APOBEC3C: variants seen among roughly 807,000 people sequenced by gnomAD.
APOBEC3C encodes apolipoprotein B mRNA editing enzyme catalytic subunit 3C.
APOBEC3C carries 14 observed loss-of-function variants against 20.6 expected under a neutral mutation model. That is an observed-to-expected ratio of 0.68 (90% CI 0.45 to 1.06). The LOEUF is 1.06. Ranked by LOEUF, APOBEC3C falls within the 50% of genes least tolerant of loss-of-function variation. The pLI, the probability that APOBEC3C is intolerant of heterozygous loss-of-function variation, is 0.00. For missense variants in APOBEC3C, 244 were observed against 241.9 expected, an observed-to-expected ratio of 1.01 and a Z score of -0.06; for synonymous variants, 98 against 88.8, an observed-to-expected ratio of 1.10 and a Z score of -0.58.
At position 39,018,350 on chromosome 22, in the gene APOBEC3C, G is replaced by C. The variant is rs766276068; in HGVS notation, c.536G>C (p.Arg179Pro). 1 of 1,614,038 alleles carries C rather than the reference G, an allele frequency of 6.2e-7. No individual in the cohort carries two copies. Among genetic ancestry groups the C allele is most frequent in the Non-Finnish European group, 8.5e-7 (1 of 1,179,972 alleles). Residue 179 changes from arginine to proline, a missense_variant, in exon 4 of 4, where the codon CGA (arginine) becomes CCA (proline). Physicochemically the swap from Arg to Pro is moderately radical, Grantham distance 103 (BLOSUM62 -2). Transcript: ENST00000361441. ...TGGAAGGGATTAAAAACCAACTTTCGACTTCTGAAAAGAAGGCTACGGGAG... is the reference window on the plus strand; with the variant it reads ...TGGAAGGGATTAAAAACCAACTTTCCACTTCTGAAAAGAAGGCTACGGGAG... ...KPWKGLKTNF[R>P]LLKRRLRESL...
Position 39,018,591 on chromosome 22 carries a change from C to T in APOBEC3C, c.*204C>T, listed in dbSNP as rs1924892706. On this transcript the variant is annotated 3_prime_UTR_variant, in exon 4 of 4. Coordinates refer to ENST00000361441, the MANE Select transcript of APOBEC3C (RefSeq NM_014508.3). Reference sequence around the variant, plus strand: ...TCCTGCAGAGGCTCCTTTCTGCCTCCATGGCTATCCATCCACCCCCACAGA... The same window carrying T: ...TCCTGCAGAGGCTCCTTTCTGCCTCTATGGCTATCCATCCACCCCCACAGA... 1 of 536,654 alleles carries T rather than the reference C, an allele frequency of 1.9e-6. No homozygotes were observed. Among genetic ancestry groups the T allele is most frequent in the Non-Finnish European group, 3.2e-6 (1 of 314,170 alleles). The allele number at this position is 536,654 out of a possible 1,614,324, so 33.2% of individuals were successfully genotyped here. A position where few individuals can be genotyped will look rare whatever the true frequency, so the allele number is the denominator to read the frequency against.
rs553214127 is a variant in APOBEC3C at position 39,015,833 on chromosome 22, C to T, written c.174+82C>T. ...AAAACGCAACAATAAGTGATGTGCC[C>T]GGCGTGGGCTCTCCTGTGTGCACTT... On this transcript the variant is annotated intron_variant, in intron 2 of 3. Coordinates refer to ENST00000361441, the MANE Select transcript of APOBEC3C (RefSeq NM_014508.3). The T allele has an allele frequency of 3.2e-4, 452 of 1,422,210 alleles. 3 individuals are homozygous for T. In the South Asian group the frequency reaches 4.2e-3, roughly 13 times the overall value. The allele number at this position is 1,422,210 out of a possible 1,614,324, so 88.1% of individuals were successfully genotyped here. A position where few individuals can be genotyped will look rare whatever the true frequency, so the allele number is the denominator to read the frequency against.
At chr22:39,017,371 T>C (rs1442849518) in intron 2 of APOBEC3C, among the ~76,000 whole-genome samples, 2 of 151,902 alleles carry the variant, frequency 1.3e-5, no homozygotes, top group African/African-American at 4.8e-5. Flanking sequence ...GTGCATGTGG[T>C]TTATGCTCAT....
rs1187534364 is a variant in APOBEC3C, at chr22:39,018,123, C to T, written c.454+78C>T. Reference sequence around the variant, plus strand: ...CAGATGGTTCTCCAATGCTGTGGGGCGGGTCAGTGTCCCCTGGGTGTCTGT... The same window carrying T: ...CAGATGGTTCTCCAATGCTGTGGGGTGGGTCAGTGTCCCCTGGGTGTCTGT... On this transcript the variant is annotated intron_variant, in intron 3 of 3. Transcript: ENST00000361441. The T allele has an allele frequency of 2.0e-5, 32 of 1,583,200 alleles. No individual in the cohort carries two copies. The East Asian group carries it at 4.9e-4, about 24-fold the overall frequency.
chr22:39,015,498 G>C, intron 1 of APOBEC3C, 97 bp from the exon 2 acceptor site: 1 of 1,429,592 alleles, frequency 7.0e-7, no homozygotes, highest in East Asian at 2.3e-5. Context: ...GAGGCCCAGA[G>C]CCCAGGGACG....
At chr22:39,016,381 CTTTTTTT>C (rs575173801) in intron 2 of APOBEC3C, among the ~76,000 whole-genome samples, 1 of 122,906 alleles carries the variant, frequency 8.1e-6, no homozygotes, top group South Asian at 2.5e-4. Context: ...TTCTTTTTTT[CTTTTTTT>C]TTTTTTTTTT....
Position 39,015,575 on chromosome 22 carries a change from T to C in APOBEC3C, c.18-20T>C. The C allele has an allele frequency of 3.7e-6, 6 of 1,611,058 alleles. 1 individual carries two copies. The highest frequency in any genetic ancestry group is 5.1e-6 in the Non-Finnish European group (6 of 1,178,168). On this transcript the variant is annotated intron_variant, in intron 1 of 3. Transcript: ENST00000361441. Reference sequence around the variant, plus strand: ...CGGTGCGGGGGTCTCTGCATTGGGGTTTCTCTCTTGTGCCTTCAGAAACCC... The same window carrying C: ...CGGTGCGGGGGTCTCTGCATTGGGGCTTCTCTCTTGTGCCTTCAGAAACCC...
intron 3 of APOBEC3C, 23 bp downstream of exon 3, chr22:39,018,068 G>C (rs1297931786): frequency 1.9e-6 from 3 of 1,612,314 alleles, no homozygotes; most frequent in East Asian, 4.5e-5. Context: ...GGGCTGAGGA[G>C]AGTGGGTGCA....
At chr22:39,017,701 C>T in intron 2 of APOBEC3C, 65 bp from the exon 3 acceptor site, 2 of 1,569,240 alleles carry the variant, frequency 1.3e-6, no homozygotes, top group South Asian at 1.2e-5. Context: ...CTCCCATCGC[C>T]CCACCCCTGC....
chr22:39,019,326 G>A lies in APOBEC3C; in HGVS notation c.*939G>A, dbSNP rs1924928519. Reference sequence around the variant, plus strand: ...CAGCAATAGAACCTCCCAGCTCCCAGCCCTTCCTAGTGCCCATGGGCTTTA... The same window carrying A: ...CAGCAATAGAACCTCCCAGCTCCCAACCCTTCCTAGTGCCCATGGGCTTTA... On this transcript the variant is annotated 3_prime_UTR_variant, in exon 4 of 4. Coordinates refer to ENST00000361441, the MANE Select transcript of APOBEC3C (RefSeq NM_014508.3). 1.3e-5 allele frequency: 2 copies of A among 152,178 alleles called. No homozygotes were observed. Among genetic ancestry groups the A allele is most frequent in the South Asian group, 2.1e-4 (1 of 4,834 alleles). The allele number at this position is 152,178 out of a possible 1,614,324, so 9.4% of individuals were successfully genotyped here. A position where few individuals can be genotyped will look rare whatever the true frequency, so the allele number is the denominator to read the frequency against.
rs1226421855 is a variant in APOBEC3C at position 39,018,833 on chromosome 22, A to G, written c.*446A>G. The G allele has an allele frequency of 1.3e-5, 2 of 154,542 alleles. No individual in the cohort carries two copies. Among genetic ancestry groups the G allele is most frequent in the African/African-American group, 4.9e-5 (2 of 41,038 alleles). The allele number at this position is 154,542 out of a possible 1,614,324, so 9.6% of individuals were successfully genotyped here. A position where few individuals can be genotyped will look rare whatever the true frequency, so the allele number is the denominator to read the frequency against. ...CCCATCTCTACAAAAAAAAAAAAAA[A>G]AAAAAAAAAAAAGCCAGATGTGGTG... On this transcript the variant is annotated 3_prime_UTR_variant, in exon 4 of 4. Coordinates refer to ENST00000361441, the MANE Select transcript of APOBEC3C (RefSeq NM_014508.3).
rs201957439 is a variant in APOBEC3C, at chr22:39,015,691, C to G, written c.114C>G (p.Thr38=). 1.2e-6 allele frequency: 2 copies of G among 1,614,012 alleles called. No individual in the cohort carries two copies. Among genetic ancestry groups the G allele is most frequent in the Non-Finnish European group, 8.5e-7 (1 of 1,180,010 alleles). ...GGAACGAAACTTGGCTGTGCTTCAC[C>G]GTGGAAGGTATAAAGCGCCGCTCAG... The part of the protein sequence containing the change: ...NDRNETWLCF[T]VEGIKRRSVV... Residue 38 remains threonine, a synonymous_variant, in exon 2 of 4, where the codon ACC becomes ACG. Coordinates refer to ENST00000361441, the MANE Select transcript of APOBEC3C (RefSeq NM_014508.3).
rs188576462 is a variant in APOBEC3C, at chr22:39,016,956, C to T, written c.175-810C>T. ...AAATAAAGAAGGAAGGGGCCGGGCA[C>T]GGCGCGGTGGCTCATGCCTGTAATC... On this transcript the variant is annotated intron_variant, in intron 2 of 3. Coordinates refer to ENST00000361441, the MANE Select transcript of APOBEC3C (RefSeq NM_014508.3). Among the ~76,000 whole-genome samples, 160 of 152,290 alleles carry T rather than the reference C, an allele frequency of 1.1e-3. 1 individual carries two copies. The highest frequency in any genetic ancestry group is 3.4e-3 in the Middle Eastern group (1 of 294).
At chr22:39,014,429 G>T in intron 1 of APOBEC3C, 50 bp downstream of exon 1, 1 of 1,613,172 alleles carries the variant, frequency 6.2e-7, no homozygotes, top group Non-Finnish European at 8.5e-7. Flanking sequence ...CTTCCTGCCA[G>T]GCGGTCCTGC....
At position 39,015,480 on chromosome 22, in the gene APOBEC3C, G is replaced by A; in HGVS notation, c.18-115G>A. 2.5e-6 allele frequency: 3 copies of A among 1,204,956 alleles called. No homozygotes were observed. The African/African-American group carries it at 4.6e-5, about 18-fold the overall frequency. The allele number at this position is 1,204,956 out of a possible 1,614,324, so 74.6% of individuals were successfully genotyped here. Reference sequence around the variant, plus strand: ...AGCAGACATTCTCAGGGCTGTGGAGGGATGGGGGAGGCCCAGAGCCCAGGG... The same window carrying A: ...AGCAGACATTCTCAGGGCTGTGGAGAGATGGGGGAGGCCCAGAGCCCAGGG... On this transcript the variant is annotated intron_variant, in intron 1 of 3. Transcript: ENST00000361441.
At chr22:39,015,844 C>A in intron 2 of APOBEC3C, 93 bp downstream of exon 2, 11 of 1,237,238 alleles carry the variant, frequency 8.9e-6, no homozygotes, top group Non-Finnish European at 1.0e-5. Context: ...GGCGTGGGCT[C>A]TCCTGTGTGC....
At chr22:39,014,712 G>A (rs535011395) in intron 1 of APOBEC3C, among the ~76,000 whole-genome samples, 1 of 152,318 alleles carries the variant, frequency 6.6e-6, no homozygotes, top group South Asian at 2.1e-4. Flanking sequence ...CTGGAACTGG[G>A]AGAATTGAAC....
At chr22:39,016,373 CT>C (rs1425182149) in intron 2 of APOBEC3C, among the ~76,000 whole-genome samples, 1 of 98,074 alleles carries the variant, frequency 1.0e-5, no homozygotes, top group Non-Finnish European at 2.1e-5. Flanking sequence ...CTAATTTTTT[CT>C]TTTTTTCTTT....
chr22:39,019,845 G>A lies in APOBEC3C; in HGVS notation c.*1458G>A, dbSNP rs1167338920. 1 of 104,268 alleles carries A rather than the reference G, an allele frequency of 9.6e-6. No individual in the cohort carries two copies. Among genetic ancestry groups the A allele is most frequent in the African/African-American group, 3.8e-5 (1 of 26,444 alleles). The allele number at this position is 104,268 out of a possible 1,614,324, so 6.5% of individuals were successfully genotyped here. A position where few individuals can be genotyped will look rare whatever the true frequency, so the allele number is the denominator to read the frequency against. ...TTTGAGACAGAGTGTTGCTCCTCTT[G>A]TCCAGGCTGGAATGCAATGGCACAA... On this transcript the variant is annotated 3_prime_UTR_variant, in exon 4 of 4. Coordinates refer to ENST00000361441, the MANE Select transcript of APOBEC3C (RefSeq NM_014508.3).
Sources: allele counts gnomAD v4.1 joint callset (sites outside exome capture counted in the v4.1 genomes callset), GRCh38; gene constraint gnomAD v4.1.1; transcripts MANE v1.5; gene names NCBI Gene and HGNC (gene_info 2026-07-23, HGNC 2026-07-21).